Variants in CDS1 observed in about 807,000 individuals in gnomAD.
CDS1 encodes the protein CDP-diacylglycerol synthase 1.
Under a neutral mutation model 62.1 loss-of-function variants are expected in CDS1, and 41 were observed. The ratio of observed to expected loss-of-function variants is 0.66; its 90% confidence interval spans 0.51 to 0.86. The LOEUF (loss-of-function observed/expected upper bound fraction) is 0.86, where lower values mean the gene tolerates loss of function less well. Ranked by LOEUF, CDS1 falls within the 40% of genes least tolerant of loss-of-function variation. The pLI is 0.00. For missense variants in CDS1, 470 were observed against 550.1 expected (o/e 0.85, Z 1.46); for synonymous variants, 185 against 192.6 (o/e 0.96, Z 0.32).
intron 6 of CDS1, among the ~76,000 whole-genome samples, chr4:84,633,210 G>A (rs1448961804): frequency 3.9e-5 from 6 of 152,232 alleles, no homozygotes; most frequent in African/African-American, 1.2e-4. Context: ...CATAAGACTC[G>A]TACATGGAAA....
At chr4:84,585,339 A>G (rs1195707582) in intron 1 of CDS1, among the ~76,000 whole-genome samples, 1 of 152,248 alleles carries the variant, frequency 6.6e-6, no homozygotes, top group Non-Finnish European at 1.5e-5. Context: ...AAGGATGAAC[A>G]TATTCAAACC....
intron 5 of CDS1, among the ~76,000 whole-genome samples, chr4:84,620,435 G>A (rs537567689): frequency 1.3e-4 from 20 of 151,442 alleles, no homozygotes; most frequent in Middle Eastern, 3.4e-3. Flanking sequence ...TGTTAGCCAG[G>A]ATGGTCTCAA....
chr4:84,603,997 G>C (rs1352871354), intron 1 of CDS1, among the ~76,000 whole-genome samples: 1 of 152,122 alleles, frequency 6.6e-6, no homozygotes, highest in Non-Finnish European at 1.5e-5. Flanking sequence ...AGAAAATATG[G>C]GAGCTTCTTT....
intron 1 of CDS1, among the ~76,000 whole-genome samples, chr4:84,592,649 G>A (rs1020225493): frequency 1.3e-5 from 2 of 152,196 alleles, no homozygotes; most frequent in African/African-American, 4.8e-5. Flanking sequence ...ATATGAAATT[G>A]AAAGGCACAG....
intron 1 of CDS1, among the ~76,000 whole-genome samples, chr4:84,599,146 T>G (rs1257966587): frequency 6.6e-6 from 1 of 152,110 alleles, no homozygotes; most frequent in Non-Finnish European, 1.5e-5. Context: ...TGGTTCCTGC[T>G]GGGAGCCCTT....
chr4:84,609,354 C>A, intron 2 of CDS1, 75 bp from the exon 3 acceptor site: 3 of 885,818 alleles, frequency 3.4e-6, no homozygotes, highest in Non-Finnish European at 1.8e-6. Context: ...ATTCATAAAT[C>A]TGGCAAATCA....
chr4:84,599,092 T>G (rs1232509014), intron 1 of CDS1, among the ~76,000 whole-genome samples: 1 of 152,152 alleles, frequency 6.6e-6, no homozygotes, highest in Non-Finnish European at 1.5e-5. Flanking sequence ...TGATTTCTTA[T>G]AAATCTGGAG....
At chr4:84,601,637 G>A (rs1722939546) in intron 1 of CDS1, among the ~76,000 whole-genome samples, 1 of 152,122 alleles carries the variant, frequency 6.6e-6, no homozygotes, top group Non-Finnish European at 1.5e-5. Context: ...CTTCATTCAG[G>A]TACGGTGGCT....
chr4:84,585,283 A>G (rs544340117), intron 1 of CDS1, among the ~76,000 whole-genome samples: 2 of 152,318 alleles, frequency 1.3e-5, no homozygotes, highest in South Asian at 4.1e-4. Flanking sequence ...GTTTTCTGAA[A>G]GTAGACTTTG....
At chr4:84,601,676 G>C (rs978342584) in intron 1 of CDS1, among the ~76,000 whole-genome samples, 1 of 152,148 alleles carries the variant, frequency 6.6e-6, no homozygotes, top group African/African-American at 2.4e-5. Flanking sequence ...ACTTTGGGAG[G>C]TCAGGGCGGG....
intron 1 of CDS1, 91 bp downstream of exon 1, chr4:84,583,609 C>G: frequency 1.4e-6 from 1 of 708,944 alleles, no homozygotes; most frequent in Non-Finnish European, 2.2e-6. Flanking sequence ...GCCCGTCCAG[C>G]GTCAGGTGAG....
chr4:84,599,052 T>G (rs570575287), intron 1 of CDS1, among the ~76,000 whole-genome samples: 84 of 152,298 alleles, frequency 5.5e-4, no homozygotes, highest in African/African-American at 1.9e-3. Context: ...GATGTTATAA[T>G]GAAAATACTG....
chr4:84,583,580 A>T, intron 1 of CDS1, 62 bp downstream of exon 1: 1 of 1,011,252 alleles, frequency 9.9e-7, no homozygotes, highest in Non-Finnish European at 1.4e-6. Context: ...GAAGCGGGAC[A>T]CTTGAGAGCA....
At chr4:84,644,476 T>C (rs1004321340) in intron 11 of CDS1, among the ~76,000 whole-genome samples, 2 of 152,242 alleles carry the variant, frequency 1.3e-5, no homozygotes, top group East Asian at 3.9e-4. Flanking sequence ...TTTAATGGTC[T>C]CCAATCCAAG....
At chr4:84,633,226 T>C (rs1357810806) in intron 6 of CDS1, among the ~76,000 whole-genome samples, 1 of 152,218 alleles carries the variant, frequency 6.6e-6, no homozygotes, top group Admixed American at 6.5e-5. Flanking sequence ...GGAAACCATA[T>C]TGATTATATT....
At chr4:84,623,668 A>G (rs1723760533) in intron 5 of CDS1, among the ~76,000 whole-genome samples, 1 of 152,184 alleles carries the variant, frequency 6.6e-6, no homozygotes, top group South Asian at 2.1e-4. Context: ...AAAAACAAAA[A>G]GCCTTAACTA....
At chr4:84,606,689 CT>C (rs977307555) in intron 2 of CDS1, among the ~76,000 whole-genome samples, 1 of 151,226 alleles carries the variant, frequency 6.6e-6, no homozygotes, top group African/African-American at 2.4e-5. Flanking sequence ...CCTTCCCTTA[CT>C]TTTTTTTTAA....
chr4:84,624,087 C>T lies in CDS1; in HGVS notation c.580+4554C>T, dbSNP rs1030700908. On this transcript the variant is annotated intron_variant, in intron 5 of 12. Coordinates refer to ENST00000295887, the MANE Select transcript of CDS1 (RefSeq NM_001263.4). ...GAAATCGAGACCATCCTGGCTAACACGGTGGAACCCCGTCTCTACTAAAAA... is the reference window on the plus strand; with the variant it reads ...GAAATCGAGACCATCCTGGCTAACATGGTGGAACCCCGTCTCTACTAAAAA... Among the ~76,000 whole-genome samples the T allele has an allele frequency of 4.6e-5, 7 of 151,624 alleles. No individual in the cohort carries two copies. In the East Asian group the frequency reaches 7.7e-4, roughly 17 times the overall value.
At position 84,649,834 on chromosome 4, in the gene CDS1, G is replaced by A. The variant is rs1394630141; in HGVS notation, c.*1148G>A. 6.6e-6 allele frequency: 1 copy of A among 151,996 alleles called. No individual in the cohort carries two copies. Among genetic ancestry groups the A allele is most frequent in the Non-Finnish European group, 1.5e-5 (1 of 68,018 alleles). The allele number at this position is 151,996 out of a possible 1,614,324, so 9.4% of individuals were successfully genotyped here. On this transcript the variant is annotated 3_prime_UTR_variant, in exon 13 of 13. Transcript: ENST00000295887. ...TTTTTCTTCCAAGAATGAAAATCAA[G>A]CAGAATTGATTCCTACACGAAAAAA...
Sources: gnomAD v4.1 joint callset for allele counts (sites outside exome capture counted in the v4.1 genomes callset) on GRCh38, gnomAD v4.1.1 for gene constraint, MANE v1.5 for transcripts, NCBI Gene and HGNC (gene_info 2026-07-23, HGNC 2026-07-21) for gene names.